RNF34: variants seen among roughly 807,000 people sequenced by gnomAD.
RNF34 encodes the protein E3 ubiquitin-protein ligase RNF34.
RNF34 carries 12 observed loss-of-function variants against 37.9 expected under a neutral mutation model. That is an observed-to-expected ratio of 0.32 (90% CI 0.20 to 0.51). The LOEUF (loss-of-function observed/expected upper bound fraction) is 0.51. RNF34 is among the 20% of genes least tolerant of loss of function. The pLI is 0.97. For synonymous variants in RNF34, 155 were observed against 177.2 expected, an observed-to-expected ratio of 0.87 and a Z score of 1.00; for missense variants, 362 against 472.7, an observed-to-expected ratio of 0.77 and a Z score of 2.17.
In RNF34 at chr12:121,402,799, A is replaced by C; in HGVS notation, c.6+2581A>C. 1.9e-6 allele frequency: 3 copies of C among 1,602,910 alleles called. No homozygotes were observed. In the South Asian group the frequency reaches 3.3e-5, roughly 18 times the overall value. On this transcript the variant is annotated intron_variant, in intron 1 of 5. Transcript: ENST00000361234. ...GTTAAAAGAAAACAAAAACCCAAGCATGAGGAAGGTAACATTTGTATCTAT... is the reference window on the plus strand; with the variant it reads ...GTTAAAAGAAAACAAAAACCCAAGCCTGAGGAAGGTAACATTTGTATCTAT...
In RNF34 at chr12:121,423,738, T is replaced by C. The variant is rs1404672998; in HGVS notation, c.*162T>C. On this transcript the variant is annotated 3_prime_UTR_variant, in exon 6 of 6. Transcript: ENST00000361234. The surrounding 1 kb of genome is among the most constrained non-coding windows in gnomAD (Gnocchi z 4.3). ...AGATCCATCCTGAGTTGTGGAAACA[T>C]TGGTCCATGCCGTGAGCCTGTCTGC... 9 of 666,678 alleles carry C rather than the reference T, an allele frequency of 1.3e-5. No homozygotes were observed. Among genetic ancestry groups the C allele is most frequent in the African/African-American group, 7.3e-5 (4 of 54,510 alleles). 41.3% of individuals were successfully genotyped at this position (666,678 alleles called of 1,614,324 possible).
rs1555282502 is a variant in RNF34, at chr12:121,417,831, G to T, written c.553G>T (p.Ala185Ser). The part of the protein sequence containing the change: ...FTRSFFSNYT[A>S]PSATMSSFQG... ...ACGTTCGTTTTTTTCAAACTATACA[G>T]CCCCCTCTGCTACTATGTCTTCGTT... is the stretch of plus-strand genomic sequence containing the variant. The change falls in exon 3 of 6, where the codon GCC (alanine) becomes TCC (serine). Residue 185 changes from alanine (A) to serine (S), a missense_variant. Ala to Ser is a moderately conservative substitution (Grantham distance 99, BLOSUM62 1). Transcript: ENST00000361234. The surrounding 1 kb of genome is among the most constrained non-coding windows in gnomAD (Gnocchi z 5.0). The T allele has an allele frequency of 1.2e-6, 2 of 1,614,082 alleles. No homozygotes were observed. The highest frequency in any genetic ancestry group is 3.3e-4 in the Middle Eastern group (2 of 6,062).
chr12:121,401,337 C>T, intron 1 of RNF34, among the ~76,000 whole-genome samples: 1 of 103,724 alleles, frequency 9.6e-6, no homozygotes, highest in Non-Finnish European at 1.8e-5. Context: ...TATTACAAGG[C>T]AGAAGGCTAT....
intron 1 of RNF34, among the ~76,000 whole-genome samples, chr12:121,414,691 G>A (rs574861290): frequency 6.6e-6 from 1 of 152,090 alleles, no homozygotes; most frequent in South Asian, 2.1e-4. Context: ...TTGTTTTTTC[G>A]AGATGGACTC....
chr12:121,405,098 T>TA (rs1210743931), intron 1 of RNF34: 11 of 152,268 alleles, frequency 7.2e-5, no homozygotes, highest in South Asian at 2.1e-4. Flanking sequence ...TTCCTACTCT[T>TA]ACGCAGATTA....
rs529671435 is a variant in RNF34 at position 121,414,314 on chromosome 12, C to A, written c.7-1845C>A. On this transcript the variant is annotated intron_variant, in intron 1 of 5. Coordinates refer to ENST00000361234, the MANE Select transcript of RNF34 (RefSeq NM_025126.4). ...ATATGCTTAAGAATTAGGACAAAGG[C>A]AAAAGCCTATTCGTTCTAAACACTA... 2.0e-5 allele frequency among the ~76,000 whole-genome samples: 3 copies of A among 152,340 alleles called. No homozygotes were observed. In the South Asian group the frequency reaches 6.2e-4, roughly 32 times the overall value.
Position 121,417,933 on chromosome 12 carries a change from C to T in RNF34, c.633+22C>T, listed in dbSNP as rs1207994221. On this transcript the variant is annotated intron_variant, in intron 3 of 5. Transcript: ENST00000361234. The surrounding 1 kb of genome is among the most constrained non-coding windows in gnomAD (Gnocchi z 5.0). Reference sequence around the variant, plus strand: ...ACAGGTACGAGGGGGTAACTAATTACACCCAGGGCCCGGCACGCTTATTCT... The same window carrying T: ...ACAGGTACGAGGGGGTAACTAATTATACCCAGGGCCCGGCACGCTTATTCT... 6 of 1,605,834 alleles carry T rather than the reference C, an allele frequency of 3.7e-6. No individual in the cohort carries two copies. The East Asian group carries it at 8.9e-5, about 24-fold the overall frequency.
At chr12:121,405,347 T>C (rs1218943173) in intron 1 of RNF34, among the ~76,000 whole-genome samples, 1 of 152,196 alleles carries the variant, frequency 6.6e-6, no homozygotes, top group African/African-American at 2.4e-5. Context: ...AAGATGGAGT[T>C]CTGGTCTCCA....
intron 1 of RNF34, among the ~76,000 whole-genome samples, chr12:121,412,415 T>C (rs1292449818): frequency 6.6e-6 from 1 of 151,334 alleles, no homozygotes; most frequent in African/African-American, 2.4e-5. Flanking sequence ...AATTTTGTTT[T>C]TGTTTTTTTA....
chr12:121,417,419 T>C lies in RNF34; in HGVS notation c.226-85T>C. On this transcript the variant is annotated intron_variant, in intron 2 of 5. Coordinates refer to ENST00000361234, the MANE Select transcript of RNF34 (RefSeq NM_025126.4). This position sits in a 1 kb window ranked among gnomAD's most constrained non-coding sequence, Gnocchi z 5.0. ...TGGGGACTTCACTAAGAACTAAAAT[T>C]AAATTTTAGTAGAAGGCAGAAAGAA... 1 of 1,234,800 alleles carries C rather than the reference T, an allele frequency of 8.1e-7. No individual in the cohort carries two copies. The highest frequency in any genetic ancestry group is 1.1e-6 in the Non-Finnish European group (1 of 886,440). The allele number at this position is 1,234,800 out of a possible 1,614,324, so 76.5% of individuals were successfully genotyped here.
rs28557279 is a variant in RNF34, at chr12:121,423,621, C to A, written c.*45C>A. ...GACAGTCACCCCCAAACTTGACCCC[C>A]AACATTTCAATGCACAGAAGGGACT... On this transcript the variant is annotated 3_prime_UTR_variant, in exon 6 of 6. Coordinates refer to ENST00000361234, the MANE Select transcript of RNF34 (RefSeq NM_025126.4). This position sits in a 1 kb window ranked among gnomAD's most constrained non-coding sequence, Gnocchi z 4.3. 193,468 of 1,531,600 alleles carry A rather than the reference C, an allele frequency of 0.13. 16,768 individuals carry two copies. The highest frequency in any genetic ancestry group is 0.42 in the African/African-American group (30,637 of 73,398). 94.9% of individuals were successfully genotyped at this position (1,531,600 alleles called of 1,614,324 possible).
intron 1 of RNF34, among the ~76,000 whole-genome samples, chr12:121,405,357 A>T (rs1870421644): frequency 6.6e-6 from 1 of 152,180 alleles, no homozygotes; most frequent in African/African-American, 2.4e-5. Context: ...TCTGGTCTCC[A>T]CTCAACTAGC....
intron 1 of RNF34, among the ~76,000 whole-genome samples, chr12:121,413,384 A>G (rs1306427017): frequency 6.6e-6 from 1 of 150,882 alleles, no homozygotes; most frequent in Non-Finnish European, 1.5e-5. Flanking sequence ...ATAATCATTT[A>G]AAGGTATGGA....
intron 1 of RNF34, among the ~76,000 whole-genome samples, chr12:121,410,916 T>G (rs1612971): frequency 8.5e-5 from 13 of 152,288 alleles, no homozygotes; most frequent in Non-Finnish European, 2.9e-5. Flanking sequence ...CTGGGACACT[T>G]TGGAGGTTGG....
rs1225444726 is a variant in RNF34 at position 121,424,338 on chromosome 12, G to A, written c.*762G>A. On this transcript the variant is annotated 3_prime_UTR_variant, in exon 6 of 6. Coordinates refer to ENST00000361234, the MANE Select transcript of RNF34 (RefSeq NM_025126.4). ...GATTTTAACTTTAGGAATAAAATTA[G>A]TTTTAAAAGCTTTTGTTTACATTGT... 2 of 152,658 alleles carry A rather than the reference G, an allele frequency of 1.3e-5. No homozygotes were observed. The highest frequency in any genetic ancestry group is 2.4e-5 in the African/African-American group (1 of 41,462). 9.5% of individuals were successfully genotyped at this position (152,658 alleles called of 1,614,324 possible). A position where few individuals can be genotyped will look rare whatever the true frequency, so the allele number is the denominator to read the frequency against.
Position 121,400,118 on chromosome 12 carries a change from A to G in RNF34, c.-95A>G. The stretch of plus-strand genomic sequence containing the variant: ...GCTCGGTCGCCTCCCGGGGCGCGGT[A>G]ATCACCGCCCAGAGGGAAGGAGGTC... On this transcript the variant is annotated 5_prime_UTR_variant, in exon 1 of 6. Coordinates refer to ENST00000361234, the MANE Select transcript of RNF34 (RefSeq NM_025126.4). 7.1e-7 allele frequency: 1 copy of G among 1,406,334 alleles called. No homozygotes were observed. Among genetic ancestry groups the G allele is most frequent in the Admixed American group, 2.2e-5 (1 of 44,954 alleles). The allele number at this position is 1,406,334 out of a possible 1,614,324, so 87.1% of individuals were successfully genotyped here. A position where few individuals can be genotyped will look rare whatever the true frequency, so the allele number is the denominator to read the frequency against.
At chr12:121,421,371 T>TAA (rs11398833) in intron 5 of RNF34, among the ~76,000 whole-genome samples, 10,273 of 45,610 alleles carry the variant, frequency 0.23, 1,679 homozygotes, top group Non-Finnish European at 0.33. Context: ...ATCCCATCTC[T>TAA]AAAAAAAAAA....
chr12:121,413,298 A>T (rs1334587787), intron 1 of RNF34, among the ~76,000 whole-genome samples: 1 of 152,190 alleles, frequency 6.6e-6, no homozygotes, highest in African/African-American at 2.4e-5. Context: ...AAGTGCTGGG[A>T]TTACAGGCAT....
intron 5 of RNF34, among the ~76,000 whole-genome samples, chr12:121,421,671 A>G (rs1555283413): frequency 6.6e-6 from 1 of 152,152 alleles, no homozygotes; most frequent in African/African-American, 2.4e-5. Context: ...AGTTGTATTT[A>G]TTTTTTTCTT....
Sources: allele counts gnomAD v4.1 joint callset (sites outside exome capture counted in the v4.1 genomes callset), GRCh38; gene constraint gnomAD v4.1.1; non-coding constraint Gnocchi (gnomAD v3.1); transcripts MANE v1.5; gene names NCBI Gene and HGNC (gene_info 2026-07-23, HGNC 2026-07-21).